KCND2: variants seen among roughly 807,000 people sequenced by gnomAD.
KCND2 encodes potassium voltage-gated channel subfamily D member 2.
KCND2 carries 16 observed loss-of-function variants against 54.4 expected under a neutral mutation model. The observed-to-expected ratio is 0.29, with a 90% CI of 0.20 to 0.45. The LOEUF (loss-of-function observed/expected upper bound fraction) is 0.45. Ranked by LOEUF, KCND2 falls within the 20% of genes least tolerant of loss-of-function variation. The pLI is 1.00. For synonymous variants in KCND2, 317 were observed against 310.7 expected (o/e 1.02, Z -0.21); for missense variants, 486 against 824.2 (o/e 0.59, Z 5.02).
rs373725690 is a variant in KCND2 at position 120,344,880 on chromosome 7, C to A, written c.1115+69133C>A. On this transcript the variant is annotated intron_variant, in intron 1 of 5. Transcript: ENST00000331113. ...CTAGTTCTCTACTGAGTTCTTTGGA[C>A]ACATAGATGAATAAGGAGCATCCTT... Among the ~76,000 whole-genome samples the A allele has an allele frequency of 1.3e-3, 192 of 152,208 alleles. No homozygotes were observed. In the Middle Eastern group the frequency reaches 0.017, roughly 13 times the overall value.
At chr7:120,290,666 C>T (rs1422206188) in intron 1 of KCND2, among the ~76,000 whole-genome samples, 1 of 151,956 alleles carries the variant, frequency 6.6e-6, no homozygotes, top group Non-Finnish European at 1.5e-5. Flanking sequence ...TACCATTAGA[C>T]ATAGAATATT....
intron 1 of KCND2, among the ~76,000 whole-genome samples, chr7:120,468,096 AAACT>A (rs1802405044): frequency 1.3e-5 from 2 of 152,256 alleles, no homozygotes; most frequent in South Asian, 4.1e-4. Flanking sequence ...AGTGTATCAT[AAACT>A]AATTGGTCTC....
At chr7:120,400,060 A>G (rs576545980) in intron 1 of KCND2, among the ~76,000 whole-genome samples, 178 of 152,262 alleles carry the variant, frequency 1.2e-3, no homozygotes, top group African/African-American at 4.1e-3. Context: ...TTTCAGTGAC[A>G]TTGTGTCCAT....
intron 1 of KCND2, among the ~76,000 whole-genome samples, chr7:120,321,847 A>T (rs1420251061): frequency 2.6e-5 from 4 of 152,158 alleles, no homozygotes; most frequent in Non-Finnish European, 4.4e-5. Context: ...AATCACAGTT[A>T]ATCATTTCTC....
chr7:120,310,319 A>G (rs968533780), intron 1 of KCND2, among the ~76,000 whole-genome samples: 7 of 152,220 alleles, frequency 4.6e-5, no homozygotes, highest in Admixed American at 2.0e-4. Flanking sequence ...ACAACTGGTA[A>G]TTATATTTCA....
At chr7:120,278,382 T>C (rs112027576) in intron 1 of KCND2, among the ~76,000 whole-genome samples, 4,290 of 151,996 alleles carry the variant, frequency 0.028, 96 homozygotes, top group Non-Finnish European at 0.047. Context: ...TCCAACTATG[T>C]CTGAATGATT....
intron 1 of KCND2, among the ~76,000 whole-genome samples, chr7:120,278,836 C>T (rs1799220000): frequency 6.6e-6 from 1 of 151,302 alleles, no homozygotes; most frequent in Non-Finnish European, 1.5e-5. Flanking sequence ...ATAGAAAGCA[C>T]AGTTTAAAAA....
At chr7:120,356,623 CATA>C (rs1232280923) in intron 1 of KCND2, among the ~76,000 whole-genome samples, 1 of 151,938 alleles carries the variant, frequency 6.6e-6, no homozygotes, top group Non-Finnish European at 1.5e-5. Context: ...TTGGGGAAGC[CATA>C]ATATTAGATA....
At chr7:120,324,898 C>G (rs1423179018) in intron 1 of KCND2, among the ~76,000 whole-genome samples, 2 of 138,912 alleles carry the variant, frequency 1.4e-5, no homozygotes, top group Non-Finnish European at 3.2e-5. Flanking sequence ...GGCAGTATGG[C>G]CATTTTCACG....
intron 1 of KCND2, among the ~76,000 whole-genome samples, chr7:120,468,281 A>C (rs1802407699): frequency 6.6e-6 from 1 of 152,176 alleles, no homozygotes; most frequent in African/African-American, 2.4e-5. Context: ...TTGCACAGCC[A>C]GGTGAATAAG....
chr7:120,629,302 T>A (rs1384016917), intron 1 of KCND2, among the ~76,000 whole-genome samples: 3 of 152,006 alleles, frequency 2.0e-5, no homozygotes, highest in African/African-American at 7.2e-5. Context: ...GCTTGGTAAC[T>A]CGGTGAAACC....
At chr7:120,341,978 A>G (rs1031114679) in intron 1 of KCND2, among the ~76,000 whole-genome samples, 4 of 152,150 alleles carry the variant, frequency 2.6e-5, no homozygotes, top group African/African-American at 4.8e-5. Context: ...CCGTGTGTCA[A>G]TGTGATCCCA....
At chr7:120,281,526 CCT>C in intron 1 of KCND2, among the ~76,000 whole-genome samples, 1 of 152,134 alleles carries the variant, frequency 6.6e-6, no homozygotes, top group Non-Finnish European at 1.5e-5. Flanking sequence ...TGAGAGGCAG[CCT>C]TTACGTTGAC....
At chr7:120,594,823 C>T (rs149854702) in intron 1 of KCND2, among the ~76,000 whole-genome samples, 5,982 of 152,134 alleles carry the variant, frequency 0.039, 153 homozygotes, top group Non-Finnish European at 0.065. Context: ...AGTTCGAGAC[C>T]AGCCTGACCA....
At chr7:120,631,180 A>G (rs1212100879) in intron 1 of KCND2, among the ~76,000 whole-genome samples, 1 of 152,126 alleles carries the variant, frequency 6.6e-6, no homozygotes, top group Non-Finnish European at 1.5e-5. Flanking sequence ...GCAAGTATAA[A>G]TAGTATTCTT....
intron 1 of KCND2, among the ~76,000 whole-genome samples, chr7:120,639,776 A>T (rs112171111): frequency 6.6e-6 from 1 of 152,266 alleles, no homozygotes; most frequent in East Asian, 1.9e-4. Flanking sequence ...GTGGGTAATT[A>T]TTCTGTGCCA....
At chr7:120,276,831 T>C (rs1799183803) in intron 1 of KCND2, among the ~76,000 whole-genome samples, 1 of 152,166 alleles carries the variant, frequency 6.6e-6, no homozygotes, top group Non-Finnish European at 1.5e-5. Flanking sequence ...GTTAGATCTT[T>C]TTACTTTTAT....
At chr7:120,433,940 G>A (rs935003140) in intron 1 of KCND2, among the ~76,000 whole-genome samples, 3 of 152,040 alleles carry the variant, frequency 2.0e-5, no homozygotes, top group African/African-American at 7.2e-5. Context: ...ACTCACTACC[G>A]AGGGAATAGC....
intron 1 of KCND2, among the ~76,000 whole-genome samples, chr7:120,501,589 A>G (rs969548496): frequency 2.6e-5 from 4 of 152,166 alleles, no homozygotes; most frequent in African/African-American, 9.6e-5. Context: ...AATTATTTGT[A>G]AAAGTGAAGA....
Sources: gnomAD v4.1 joint callset for allele counts (sites outside exome capture counted in the v4.1 genomes callset) on GRCh38, gnomAD v4.1.1 for gene constraint, MANE v1.5 for transcripts, NCBI Gene and HGNC (gene_info 2026-07-23, HGNC 2026-07-21) for gene names.